The following PCYT1A variants were observed in gnomAD, a reference collection of about 807,000 sequenced individuals.
PCYT1A encodes choline-phosphate cytidylyltransferase A.
A neutral mutation model predicts 43.7 loss-of-function variants in PCYT1A; 25 were observed. That is an observed-to-expected ratio of 0.57 (90% CI 0.42 to 0.80). The LOEUF is 0.80. PCYT1A is among the 30% of genes least tolerant of loss of function. The probability of loss-of-function intolerance (pLI) is 0.00; values close to 1 mark genes in which losing one functional copy is unlikely to be tolerated. For missense variants in PCYT1A, 421 were observed against 474.2 expected (o/e 0.89, Z 1.04); for synonymous variants, 172 against 170.7 (o/e 1.01, Z -0.06).
rs773566901 is a variant in PCYT1A, at chr3:196,238,837, T to TC, written c.954dup (p.Ser319GlufsTer42). Reference sequence around the variant, plus strand: ...TCGCGAGTAGGGCTGCTGCTGGGGCTCTGCTTCGGGCTGATGGCCTGCAGC... The same window carrying TC: ...TCGCGAGTAGGGCTGCTGCTGGGGCTCCTGCTTCGGGCTGATGGCCTGCAGC... On this transcript the variant is annotated frameshift_variant, in exon 9 of 9. Coordinates refer to ENST00000431016, the MANE Select transcript of PCYT1A (RefSeq NM_001312673.2). LOFTEE classifies it high-confidence loss of function. 6.4e-7 allele frequency: 1 copy of TC among 1,564,830 alleles called. No individual in the cohort carries two copies. The highest frequency in any genetic ancestry group is 1.2e-5 in the South Asian group (1 of 83,592).
chr3:196,258,642 C>T (rs1316172784), intron 2 of PCYT1A, among the ~76,000 whole-genome samples: 1 of 150,944 alleles, frequency 6.6e-6, no homozygotes, highest in Non-Finnish European at 1.5e-5. Context: ...GGCTGGAGTG[C>T]ACTGGCGCCA....
Position 196,239,664 on chromosome 3 carries a change from T to G in PCYT1A, c.780A>C (p.Ser260=). 1 of 1,611,972 alleles carries G rather than the reference T, an allele frequency of 6.2e-7. No homozygotes were observed. Among genetic ancestry groups the G allele is most frequent in the Non-Finnish European group, 8.5e-7 (1 of 1,177,974 alleles). Residue 260 remains serine (S), a synonymous_variant, in exon 8 of 9, where the codon TCA becomes TCC. Coordinates refer to ENST00000431016, the MANE Select transcript of PCYT1A (RefSeq NM_001312673.2). ...KKKVKDVEEK[S]KEFVQKVEEK... The stretch of plus-strand genomic sequence containing the variant: ...CCTCCACCTTCTGAACAAATTCTTT[T>G]GACTTTTCCTCCACATCTTTCACTT...
chr3:196,265,535 A>G (rs1318014728), intron 2 of PCYT1A, among the ~76,000 whole-genome samples: 1 of 152,018 alleles, frequency 6.6e-6, no homozygotes, highest in Non-Finnish European at 1.5e-5. Flanking sequence ...TCTCTTTTCT[A>G]TCCATTTCAT....
intron 3 of PCYT1A, among the ~76,000 whole-genome samples, chr3:196,250,308 GGCTGAGGATCAGATACACTAT>G (rs1315227370): frequency 5.9e-5 from 9 of 151,858 alleles, no homozygotes; most frequent in African/African-American, 1.4e-4. Flanking sequence ...ACTATGCTGA[GGCTGAGGATCAGATACACTAT>G]GCTGAGGATC....
intron 5 of PCYT1A, among the ~76,000 whole-genome samples, chr3:196,243,517 CT>C (rs533266288): frequency 1.4e-3 from 216 of 151,542 alleles, no homozygotes; most frequent in African/African-American, 5.1e-3. Flanking sequence ...CCCTTCTCCC[CT>C]CTCCCCTCTC....
intron 3 of PCYT1A, among the ~76,000 whole-genome samples, chr3:196,254,354 A>T (rs889050009): frequency 6.6e-6 from 1 of 150,996 alleles, no homozygotes; most frequent in Non-Finnish European, 1.5e-5. Context: ...ATTTTTATTT[A>T]TGTATTTATT....
intron 1 of PCYT1A, among the ~76,000 whole-genome samples, chr3:196,285,032 A>T (rs1188111376): frequency 6.6e-6 from 1 of 152,232 alleles, no homozygotes; most frequent in African/African-American, 2.4e-5. Flanking sequence ...AACCTATCTG[A>T]ACTCTATTCC....
At position 196,239,745 on chromosome 3, in the gene PCYT1A, G is replaced by C; in HGVS notation, c.709-10C>G. The stretch of plus-strand genomic sequence containing the variant: ...AGTGGTATTTCTTCTCCTAGATAAA[G>C]AAATAACTCTTCTGAGAAATAATGC... On this transcript the variant is annotated splice_polypyrimidine_tract_variant and intron_variant, in intron 7 of 8. Transcript: ENST00000431016. 1 of 1,564,958 alleles carries C rather than the reference G, an allele frequency of 6.4e-7. No individual in the cohort carries two copies. The highest frequency in any genetic ancestry group is 2.2e-5 in the East Asian group (1 of 44,614).
In PCYT1A at chr3:196,282,157, T is replaced by C. The variant is rs1725787587; in HGVS notation, c.-11+5458A>G. ...TCTAATTTCGTCAGAGAAACCCTTATTCAACAAACACTGAGCGGCACTTAC... is the reference window on the plus strand; with the variant it reads ...TCTAATTTCGTCAGAGAAACCCTTACTCAACAAACACTGAGCGGCACTTAC... On this transcript the variant is annotated intron_variant, in intron 1 of 8. Coordinates refer to ENST00000431016, the MANE Select transcript of PCYT1A (RefSeq NM_001312673.2). The surrounding 1 kb of genome is among the most constrained non-coding windows in gnomAD (Gnocchi z 4.3). 6.6e-6 allele frequency among the ~76,000 whole-genome samples: 1 copy of C among 152,212 alleles called. No homozygotes were observed. Among genetic ancestry groups the C allele is most frequent in the Non-Finnish European group, 1.5e-5 (1 of 68,044 alleles).
chr3:196,263,291 C>G (rs942158531), intron 2 of PCYT1A, among the ~76,000 whole-genome samples: 1 of 152,180 alleles, frequency 6.6e-6, no homozygotes, highest in Non-Finnish European at 1.5e-5. Flanking sequence ...CCATACCTCA[C>G]TATAACCTTG....
chr3:196,239,665 G>C lies in PCYT1A; in HGVS notation c.779C>G (p.Ser260Ter). 1 of 1,611,448 alleles carries C rather than the reference G, an allele frequency of 6.2e-7. No homozygotes were observed. Among genetic ancestry groups the C allele is most frequent in the Non-Finnish European group, 8.5e-7 (1 of 1,177,596 alleles). ...CTCCACCTTCTGAACAAATTCTTTTGACTTTTCCTCCACATCTTTCACTTT... is the reference window on the plus strand; with the variant it reads ...CTCCACCTTCTGAACAAATTCTTTTCACTTTTCCTCCACATCTTTCACTTT... ...KKKVKDVEEKSKEFVQKVEEK... is the reference protein window; with the variant it reads ...KKKVKDVEEK The change falls in exon 8 of 9, where the codon TCA (serine) becomes TGA (stop). Residue 260 changes from serine to a stop codon, truncating the protein, a stop_gained. Coordinates refer to ENST00000431016, the MANE Select transcript of PCYT1A (RefSeq NM_001312673.2). LOFTEE classifies it high-confidence loss of function.
rs1033886864 is a variant in PCYT1A, at chr3:196,235,831, C to T, written c.*2857G>A. On this transcript the variant is annotated 3_prime_UTR_variant, in exon 9 of 9. Transcript: ENST00000431016. The surrounding 1 kb of genome is among the most constrained non-coding windows in gnomAD (Gnocchi z 4.3). Reference sequence around the variant, plus strand: ...ATTGTGGTGGTGTGCACACCTCTAACCTCATTTAATTAGGCACAGATGACC... The same window carrying T: ...ATTGTGGTGGTGTGCACACCTCTAATCTCATTTAATTAGGCACAGATGACC... 2 of 152,284 alleles carry T rather than the reference C, an allele frequency of 1.3e-5. No individual in the cohort carries two copies. Among genetic ancestry groups the T allele is most frequent in the African/African-American group, 4.8e-5 (2 of 41,468 alleles). 9.4% of individuals were successfully genotyped at this position (152,284 alleles called of 1,614,324 possible).
Position 196,248,307 on chromosome 3 carries a change from T to G in PCYT1A, c.234A>C (p.Arg78Ser). ...SRGTPCERPV[R>S]VYADGIFDLF... is the part of the protein sequence containing the mutation. Reference sequence around the variant, plus strand: ...AGTCAAATATTCCATCGGCATAAACTCTCACAGGTCGCTCACCTAAATCCA... The same window carrying G: ...AGTCAAATATTCCATCGGCATAAACGCTCACAGGTCGCTCACCTAAATCCA... The change falls in exon 4 of 9, where the codon AGA (arginine) becomes AGC (serine). Residue 78 changes from arginine to serine, a missense_variant. Arg to Ser is a moderately radical substitution (Grantham distance 110, BLOSUM62 -1). Coordinates refer to ENST00000431016, the MANE Select transcript of PCYT1A (RefSeq NM_001312673.2). The G allele has an allele frequency of 6.2e-7, 1 of 1,604,898 alleles. No homozygotes were observed. The highest frequency in any genetic ancestry group is 8.5e-7 in the Non-Finnish European group (1 of 1,171,718).
At chr3:196,265,776 C>T (rs531539591) in intron 2 of PCYT1A, among the ~76,000 whole-genome samples, 1 of 150,758 alleles carries the variant, frequency 6.6e-6, no homozygotes, top group African/African-American at 2.4e-5. Context: ...CTCGCTCTGT[C>T]GCCCAAGCTG....
At chr3:196,253,459 G>C (rs776519256) in intron 3 of PCYT1A, among the ~76,000 whole-genome samples, 3 of 152,080 alleles carry the variant, frequency 2.0e-5, no homozygotes, top group Non-Finnish European at 4.4e-5. Context: ...GAAACACAAG[G>C]GATAGAATAT....
At chr3:196,272,949 C>T (rs1725478436) in intron 1 of PCYT1A, among the ~76,000 whole-genome samples, 1 of 152,362 alleles carries the variant, frequency 6.6e-6, no homozygotes, top group African/African-American at 2.4e-5. Context: ...AGGCTATGCT[C>T]AGCTTGTGTT....
intron 1 of PCYT1A, among the ~76,000 whole-genome samples, chr3:196,286,150 C>T (rs1268544908): frequency 6.6e-6 from 1 of 151,630 alleles, no homozygotes; most frequent in Non-Finnish European, 1.5e-5. Flanking sequence ...GCAACCACCG[C>T]CTCCTGGGTT....
intron 3 of PCYT1A, among the ~76,000 whole-genome samples, chr3:196,253,067 G>A (rs1724850407): frequency 6.6e-6 from 1 of 152,166 alleles, no homozygotes; most frequent in South Asian, 2.1e-4. Context: ...GCCGGGCACA[G>A]TGGCTCACGC....
Position 196,268,743 on chromosome 3 carries a change from C to G in PCYT1A, c.117+1672G>C, listed in dbSNP as rs141177066. ...CCAAGAGGCAGACGTTGCAGTGAAC[C>G]GGGACCGCACCACTGCACTCCAGCC... On this transcript the variant is annotated intron_variant, in intron 2 of 8. Coordinates refer to ENST00000431016, the MANE Select transcript of PCYT1A (RefSeq NM_001312673.2). The surrounding 1 kb of genome is among the most constrained non-coding windows in gnomAD (Gnocchi z 4.4). Among the ~76,000 whole-genome samples the G allele has an allele frequency of 6.6e-6, 1 of 152,060 alleles. No individual in the cohort carries two copies. Among genetic ancestry groups the G allele is most frequent in the East Asian group, 1.9e-4 (1 of 5,204 alleles).
Sources: allele counts gnomAD v4.1 joint callset (sites outside exome capture counted in the v4.1 genomes callset), GRCh38; gene constraint gnomAD v4.1.1; non-coding constraint Gnocchi (gnomAD v3.1); transcripts MANE v1.5; gene names NCBI Gene and HGNC (gene_info 2026-07-23, HGNC 2026-07-21).